ALKBH3: variants seen among roughly 807,000 people sequenced by gnomAD.
ALKBH3 encodes the protein alkB homolog 3, alpha-ketoglutarate dependent dioxygenase, also known as alpha-ketoglutarate-dependent dioxygenase alkB homolog 3.
A neutral mutation model predicts 43.9 loss-of-function variants in ALKBH3; 51 were observed. The ratio of observed to expected loss-of-function variants is 1.16; its 90% CI spans 0.93 to 1.47. The LOEUF is 1.47. Among genes scored for constraint, ALKBH3 ranks in the 40% most tolerant of loss-of-function variants. The pLI is 0.00. For synonymous variants in ALKBH3, 102 were observed against 115.2 expected (o/e 0.89, Z 0.73); for missense variants, 361 against 351.9 (o/e 1.03, Z -0.21).
chr11:43,894,898 G>T (rs1363826095), intron 7 of ALKBH3, among the ~76,000 whole-genome samples: 1 of 152,088 alleles, frequency 6.6e-6, no homozygotes, highest in Non-Finnish European at 1.5e-5. Context: ...AATAAAAAAG[G>T]AGAACAAGAG....
intron 6 of ALKBH3, among the ~76,000 whole-genome samples, chr11:43,891,687 CAG>C (rs138416377): frequency 0.049 from 7,537 of 152,264 alleles, 445 homozygotes; most frequent in Admixed American, 0.2. Context: ...TTTCTGCAGA[CAG>C]GGGTTCAGTC....
chr11:43,887,989 A>G (rs1178676124), intron 5 of ALKBH3, among the ~76,000 whole-genome samples: 1 of 150,794 alleles, frequency 6.6e-6, no homozygotes, highest in Non-Finnish European at 1.5e-5. Flanking sequence ...AGTAGAGACG[A>G]GGTTTCACCG....
rs753204131 is a variant in ALKBH3 at position 43,919,091 on chromosome 11, T to C, written c.723T>C (p.His241=). ...AAAGAGTGAAGATACCCTTGGATCATGGGACCTTGTTAATCATGGAAGGAG... is the reference window on the plus strand; with the variant it reads ...AAAGAGTGAAGATACCCTTGGATCACGGGACCTTGTTAATCATGGAAGGAG... ...YVERVKIPLD[H]GTLLIMEGAT... Residue 241 remains histidine (H), a synonymous_variant, in exon 9 of 10, where the codon CAT becomes CAC. Transcript: ENST00000302708. The C allele has an allele frequency of 6.2e-7, 1 of 1,613,516 alleles. No homozygotes were observed. Among genetic ancestry groups the C allele is most frequent in the Non-Finnish European group, 8.5e-7 (1 of 1,179,488 alleles).
intron 8 of ALKBH3, among the ~76,000 whole-genome samples, chr11:43,917,967 G>GA (rs1300943403): frequency 6.6e-6 from 1 of 152,114 alleles, no homozygotes; most frequent in African/African-American, 2.4e-5. Context: ...TTTTCCTAGG[G>GA]AAAATCTTTG....
At chr11:43,903,623 AG>A (rs1442420683) in intron 8 of ALKBH3, among the ~76,000 whole-genome samples, 1 of 152,172 alleles carries the variant, frequency 6.6e-6, no homozygotes, top group East Asian at 1.9e-4. Flanking sequence ...AATAAGCTAT[AG>A]TATATATAGC....
intron 8 of ALKBH3, among the ~76,000 whole-genome samples, chr11:43,911,703 G>A (rs1951940172): frequency 6.6e-6 from 1 of 152,182 alleles, no homozygotes; most frequent in Non-Finnish European, 1.5e-5. Flanking sequence ...CTGAGACTCA[G>A]TGTTAAATTA....
chr11:43,892,177 T>C (rs1380903019), intron 7 of ALKBH3, 48 bp downstream of exon 7: 2 of 1,459,760 alleles, frequency 1.4e-6, no homozygotes, highest in Non-Finnish European at 9.6e-7. Flanking sequence ...CTATATACTA[T>C]GTGTTGAGTG....
intron 8 of ALKBH3, 79 bp from the exon 9 acceptor site, chr11:43,918,959 T>C (rs930987675): frequency 6.9e-6 from 8 of 1,155,844 alleles, no homozygotes; most frequent in Non-Finnish European, 1.0e-5. Context: ...GGTTTCCATT[T>C]TTTTTTGACC....
Position 43,890,103 on chromosome 11 carries a change from G to A in ALKBH3, c.370+275G>A, listed in dbSNP as rs537550517. ...AAATTTGGTTGGCTGAACTATGGCT[G>A]ACATACTTATCTCCTTTTGTGTTTG... On this transcript the variant is annotated intron_variant, in intron 6 of 9. Transcript: ENST00000302708. Among the ~76,000 whole-genome samples the A allele has an allele frequency of 9.9e-5, 15 of 151,258 alleles. No individual in the cohort carries two copies. In the South Asian group the frequency reaches 2.4e-3, roughly 24 times the overall value.
intron 7 of ALKBH3, among the ~76,000 whole-genome samples, chr11:43,896,486 A>G (rs1222682980): frequency 6.6e-6 from 1 of 152,150 alleles, no homozygotes; most frequent in East Asian, 1.9e-4. Context: ...GAGGCTAGAC[A>G]AGTCTCTCCT....
chr11:43,902,055 G>A (rs12362664), intron 8 of ALKBH3, among the ~76,000 whole-genome samples: 27,015 of 152,186 alleles, frequency 0.18, 2,740 homozygotes, highest in South Asian at 0.33. Flanking sequence ...TGTGATCAAT[G>A]CTGTGAAGGA....
In ALKBH3 at chr11:43,892,091, T is replaced by C. The variant is rs768997072; in HGVS notation, c.421T>C (p.Tyr141His). The part of the protein sequence containing the change: ...RLTAWYGELP[Y>H]TYSRITMEPN... ...TACAGCATGGTATGGAGAACTTCCT[T>C]ACACTTATTCAAGAATCACTATGGA... is the stretch of plus-strand genomic sequence containing the variant. The change falls in exon 7 of 10, where the codon TAC becomes CAC. Residue 141 changes from tyrosine to histidine, a missense_variant. Coordinates refer to ENST00000302708, the MANE Select transcript of ALKBH3 (RefSeq NM_139178.4). The C allele has an allele frequency of 7.9e-5, 128 of 1,613,620 alleles. No homozygotes were observed. Among genetic ancestry groups the C allele is most frequent in the Admixed American group, 2.0e-4 (12 of 60,002 alleles).
At chr11:43,908,226 G>C (rs771325951) in intron 8 of ALKBH3, among the ~76,000 whole-genome samples, 1 of 152,236 alleles carries the variant, frequency 6.6e-6, no homozygotes, top group Non-Finnish European at 1.5e-5. Context: ...AGGAAGCAGA[G>C]AGAACCTTCA....
At chr11:43,895,197 C>A (rs753438228) in intron 7 of ALKBH3, among the ~76,000 whole-genome samples, 2 of 152,120 alleles carry the variant, frequency 1.3e-5, no homozygotes, top group African/African-American at 4.8e-5. Flanking sequence ...TTCTTCACTG[C>A]GAAACATATA....
At chr11:43,899,177 C>T (rs1951842484) in intron 7 of ALKBH3, 1 of 776,340 alleles carries the variant, frequency 1.3e-6, no homozygotes, top group South Asian at 1.3e-5. Flanking sequence ...CCCCACCTCT[C>T]CAGGTGGGAA....
chr11:43,911,486 G>T (rs749166895), intron 8 of ALKBH3, among the ~76,000 whole-genome samples: 9 of 152,140 alleles, frequency 5.9e-5, no homozygotes, highest in Non-Finnish European at 1.2e-4. Flanking sequence ...GTAGGCAGTC[G>T]ACTGTGTAAG....
At chr11:43,914,636 C>T (rs535372959) in intron 8 of ALKBH3, among the ~76,000 whole-genome samples, 250 of 152,028 alleles carry the variant, frequency 1.6e-3, no homozygotes, top group African/African-American at 5.6e-3. Context: ...ACTTTCTAAG[C>T]ATAAAAATCA....
rs114924068 is a variant in ALKBH3, at chr11:43,898,112, C to G, written c.460-3404C>G. The stretch of plus-strand genomic sequence containing the variant: ...GATGCCCTCAGCAGCCCCAGTGCAC[C>G]TGAGCCCGTGGTGGGCATCCCTGAT... On this transcript the variant is annotated intron_variant, in intron 7 of 9. Transcript: ENST00000302708. 7.0e-4 allele frequency: 775 copies of G among 1,114,702 alleles called. 3 individuals carry two copies. The African/African-American group carries it at 0.011, about 16-fold the overall frequency. The allele number at this position is 1,114,702 out of a possible 1,614,324, so 69.1% of individuals were successfully genotyped here. A position where few individuals can be genotyped will look rare whatever the true frequency, so the allele number is the denominator to read the frequency against.
rs548024800 is a variant in ALKBH3, at chr11:43,898,464, G to C, written c.460-3052G>C. On this transcript the variant is annotated intron_variant, in intron 7 of 9. Transcript: ENST00000302708. ...ATGGGTGGCCCCTCTGTATGCTCAG[G>C]CTGGGGCAGATGGACACCAACGGCT... 822 of 918,840 alleles carry C rather than the reference G, an allele frequency of 8.9e-4. 4 individuals are homozygous for C. The highest frequency in any genetic ancestry group is 1.4e-3 in the South Asian group (107 of 74,466). The allele number at this position is 918,840 out of a possible 1,614,324, so 56.9% of individuals were successfully genotyped here.
Sources: allele counts gnomAD v4.1 joint callset (sites outside exome capture counted in the v4.1 genomes callset), GRCh38; gene constraint gnomAD v4.1.1; transcripts MANE v1.5; gene names NCBI Gene and HGNC (gene_info 2026-07-23, HGNC 2026-07-21).